WDR81: variants seen among roughly 807,000 people sequenced by gnomAD.
The protein encoded by WDR81 is WD repeat-containing protein 81.
In WDR81, 92 loss-of-function variants were observed where a neutral mutation model predicts 140.8. The observed-to-expected ratio is 0.65, with a 90% CI of 0.55 to 0.78. WDR81 has a LOEUF of 0.78. WDR81 is among the 30% of genes least tolerant of loss of function. WDR81 has a pLI of 0.00. For missense variants in WDR81, 2,502 were observed against 2,636.4 expected (o/e 0.95, Z 1.12); for synonymous variants, 1,183 against 1,156.4 (o/e 1.02, Z -0.47).
Position 1,733,779 on chromosome 17 carries a change from C to T in WDR81, c.4742C>T (p.Pro1581Leu), listed in dbSNP as rs543002084. Residue 1581 changes from proline (P) to leucine (L), a missense_variant, in exon 7 of 10, where the codon CCA becomes CTA. Pro to Leu is a moderately conservative substitution (Grantham distance 98). Transcript: ENST00000409644. ...PNDSRPENPG[P>L]LGPISGVGGG... ...GACTCTCGGCCTGAGAACCCCGGAC[C>T]ACTGGGCCCCATCTCGGGGGTGGGT... The T allele has an allele frequency of 7.4e-6, 12 of 1,612,446 alleles. No homozygotes were observed. The South Asian group carries it at 7.7e-5, about 10-fold the overall frequency.
Position 1,724,742 on chromosome 17 carries a change from G to A in WDR81, c.-218G>A. On this transcript the variant is annotated 5_prime_UTR_variant, in exon 1 of 10. Coordinates refer to ENST00000409644, the MANE Select transcript of WDR81 (RefSeq NM_001163809.2). ...CGGTGGAGCCCGGTGCTCGCGCCCGGCAGCCTCTGCCCCGCCGCGCCCGGA... is the reference window on the plus strand; with the variant it reads ...CGGTGGAGCCCGGTGCTCGCGCCCGACAGCCTCTGCCCCGCCGCGCCCGGA... The A allele has an allele frequency of 8.9e-7, 1 of 1,117,816 alleles. No individual in the cohort carries two copies. The highest frequency in any genetic ancestry group is 1.1e-6 in the Non-Finnish European group (1 of 916,010). The allele number at this position is 1,117,816 out of a possible 1,614,324, so 69.2% of individuals were successfully genotyped here.
At position 1,735,492 on chromosome 17, in the gene WDR81, G is replaced by A. The variant is rs1379826721; in HGVS notation, c.5180-80G>A. ...CTGGGGGACGGGAGGCAGGTGTGCGGTGAGTTGGGGGATTAGAAGCTCCCA... is the reference window on the plus strand; with the variant it reads ...CTGGGGGACGGGAGGCAGGTGTGCGATGAGTTGGGGGATTAGAAGCTCCCA... On this transcript the variant is annotated intron_variant, in intron 7 of 9. Transcript: ENST00000409644. The surrounding 1 kb of genome is among the most constrained non-coding windows in gnomAD (Gnocchi z 4.2). The A allele has an allele frequency of 2.2e-6, 3 of 1,387,454 alleles. No individual in the cohort carries two copies. The highest frequency in any genetic ancestry group is 2.9e-6 in the Non-Finnish European group (3 of 1,041,452). The allele number at this position is 1,387,454 out of a possible 1,614,324, so 85.9% of individuals were successfully genotyped here.
At position 1,734,059 on chromosome 17, in the gene WDR81, C is replaced by T. The variant is rs1346213770; in HGVS notation, c.5022C>T (p.Leu1674=). The T allele has an allele frequency of 6.2e-7, 1 of 1,607,880 alleles. No homozygotes were observed. Among genetic ancestry groups the T allele is most frequent in the South Asian group, 1.1e-5 (1 of 91,084 alleles). ...LSGSKDRTVR[L]WPLYNYGDGT... is the part of the protein sequence containing the mutation. Reference sequence around the variant, plus strand: ...GCAGCAAGGATCGTACCGTGCGCCTCTGGCCGCTGTACAACTACGGCGACG... The same window carrying T: ...GCAGCAAGGATCGTACCGTGCGCCTTTGGCCGCTGTACAACTACGGCGACG... The change falls in exon 7 of 10, where the codon CTC becomes CTT. Residue 1674 remains leucine (L), a synonymous_variant. Transcript: ENST00000409644.
chr17:1,736,365 G>A (rs2151177786), intron 9 of WDR81, 147 bp downstream of exon 9: 1 of 1,076,936 alleles, frequency 9.3e-7, no homozygotes, highest in Non-Finnish European at 1.3e-6. Context: ...AGGGAGGGTA[G>A]CCCTCTCGGT....
At position 1,737,879 on chromosome 17, in the gene WDR81, C is replaced by T. The variant is rs1321933044; in HGVS notation, c.*194C>T. The T allele has an allele frequency of 4.3e-6, 3 of 693,680 alleles. No homozygotes were observed. Among genetic ancestry groups the T allele is most frequent in the Non-Finnish European group, 7.1e-6 (3 of 424,140 alleles). The allele number at this position is 693,680 out of a possible 1,614,324, so 43.0% of individuals were successfully genotyped here. On this transcript the variant is annotated 3_prime_UTR_variant, in exon 10 of 10. Coordinates refer to ENST00000409644, the MANE Select transcript of WDR81 (RefSeq NM_001163809.2). Reference sequence around the variant, plus strand: ...CCCCTGAATCACCAGAGCCACCAAGCCTGCCAGAGGGGTCTCATTCATGGC... The same window carrying T: ...CCCCTGAATCACCAGAGCCACCAAGTCTGCCAGAGGGGTCTCATTCATGGC...
Position 1,728,125 on chromosome 17 carries a change from C to A in WDR81, c.3166C>A (p.Pro1056Thr). ...GGAGGAGATTCCCATGGATGGGGAGCCTCCTGCCTCCTCGGGCCTGGGGCT... is the reference window on the plus strand; with the variant it reads ...GGAGGAGATTCCCATGGATGGGGAGACTCCTGCCTCCTCGGGCCTGGGGCT... ...FGEEIPMDGE[P>T]PASSGLGLPD... is the part of the protein sequence containing the mutation. The change falls in exon 1 of 10, where the codon CCT becomes ACT. Residue 1056 changes from proline to threonine, a missense_variant. Physicochemically the swap from Pro to Thr is conservative, Grantham distance 38. Coordinates refer to ENST00000409644, the MANE Select transcript of WDR81 (RefSeq NM_001163809.2). 1 of 1,605,354 alleles carries A rather than the reference C, an allele frequency of 6.2e-7. No individual in the cohort carries two copies. Among genetic ancestry groups the A allele is most frequent in the Non-Finnish European group, 8.5e-7 (1 of 1,175,562 alleles).
At position 1,728,406 on chromosome 17, in the gene WDR81, C is replaced by A. The variant is rs143041290; in HGVS notation, c.3447C>A (p.Ser1149Arg). The change falls in exon 1 of 10, where the codon AGC becomes AGA. Residue 1149 changes from serine to arginine, a missense_variant. Transcript: ENST00000409644. ...ACAGCAGCCAGGACTTGAAGCAAAGCGAGGGCTCCGAGGAGGAAGAGGAGG... is the reference window on the plus strand; with the variant it reads ...ACAGCAGCCAGGACTTGAAGCAAAGAGAGGGCTCCGAGGAGGAAGAGGAGG... ...SGDSSQDLKQ[S>R]EGSEEEEEEE... 421 of 1,612,456 alleles carry A rather than the reference C, an allele frequency of 2.6e-4. No individual in the cohort carries two copies. Among genetic ancestry groups the A allele is most frequent in the Non-Finnish European group, 3.4e-4 (401 of 1,179,608 alleles).
chr17:1,731,341 G>A, intron 4 of WDR81, 83 bp downstream of exon 4: 2 of 1,466,870 alleles, frequency 1.4e-6, no homozygotes, highest in East Asian at 2.5e-5. Context: ...CAGGGGAGAG[G>A]ACGTAACACT....
chr17:1,731,745 T>C, intron 4 of WDR81, among the ~76,000 whole-genome samples: 1 of 149,096 alleles, frequency 6.7e-6, no homozygotes. Flanking sequence ...CCACTAAAAA[T>C]ACAAAATCTT....
Position 1,737,729 on chromosome 17 carries a change from G to A in WDR81, c.*44G>A, listed in dbSNP as rs753558489. 26 of 1,551,672 alleles carry A rather than the reference G, an allele frequency of 1.7e-5. No homozygotes were observed. The highest frequency in any genetic ancestry group is 3.7e-5 in the South Asian group (3 of 81,842). On this transcript the variant is annotated 3_prime_UTR_variant, in exon 10 of 10. Transcript: ENST00000409644. The stretch of plus-strand genomic sequence containing the variant: ...CGGGCAAGGGTGGGAAGACATCTGC[G>A]GGCGCGTGTCCACTCACCCTGTTCC...
chr17:1,724,567 G>T (rs965170734), upstream of WDR81: 39 of 989,790 alleles, frequency 3.9e-5, no homozygotes, highest in South Asian at 4.7e-5. Context: ...CCGGGAGGAA[G>T]CGGAGCCCAG....
Position 1,727,148 on chromosome 17 carries a change from C to T in WDR81, c.2189C>T (p.Ala730Val). 1.9e-6 allele frequency: 3 copies of T among 1,547,724 alleles called. No individual in the cohort carries two copies. Among genetic ancestry groups the T allele is most frequent in the Non-Finnish European group, 1.7e-6 (2 of 1,145,130 alleles). ...CCCGAGGGCTTCAATCCCATGCAGG[C>T]CCTGGAGGAGCTGGAGAAAACGGGC... ...LLPEGFNPMQ[A>V]LEELEKTGNF... The change falls in exon 1 of 10, where the codon GCC (alanine) becomes GTC (valine). Residue 730 changes from alanine (A) to valine (V), a missense_variant. Around this residue, in one of 3 missense-constraint regions of WDR81, gnomAD observed 1,737 missense variants for 1,843.0 expected, o/e 0.94. Coordinates refer to ENST00000409644, the MANE Select transcript of WDR81 (RefSeq NM_001163809.2).
rs138984491 is a variant in WDR81 at position 1,734,185 on chromosome 17, C to T, written c.5148C>T (p.Asp1716=). The T allele has an allele frequency of 8.7e-5, 139 of 1,594,830 alleles. No individual in the cohort carries two copies. Among genetic ancestry groups the T allele is most frequent in the Non-Finnish European group, 1.1e-4 (127 of 1,177,628 alleles). ...CCCCGCAGCACGTGGTGAGCTGTGA[C>T]GGGGCTGTGCACGTCTGGGACCCCT... ...LEAPQHVVSC[D]GAVHVWDPFT... is the part of the protein sequence containing the mutation. The change falls in exon 7 of 10, where the codon GAC becomes GAT. Residue 1716 remains aspartate, a synonymous_variant. Coordinates refer to ENST00000409644, the MANE Select transcript of WDR81 (RefSeq NM_001163809.2).
chr17:1,725,065 A>G lies in WDR81; in HGVS notation c.106A>G (p.Arg36Gly). The change falls in exon 1 of 10, where the codon AGG becomes GGG. Residue 36 changes from arginine (R) to glycine (G), a missense_variant. This residue lies in a region of WDR81 where 547 missense variants were observed against 513.8 expected (regional missense o/e 1.06). Transcript: ENST00000409644. Reference protein sequence around the residue: ...DMQELLRSVERDLSIDPRQLA... With the variant: ...DMQELLRSVEGDLSIDPRQLA... Reference sequence around the variant, plus strand: ...GCAGGAGCTGCTCCGGAGCGTGGAGAGGGACCTGAGCATCGATCCCAGGCA... The same window carrying G: ...GCAGGAGCTGCTCCGGAGCGTGGAGGGGGACCTGAGCATCGATCCCAGGCA... 1 of 1,485,064 alleles carries G rather than the reference A, an allele frequency of 6.7e-7. No individual in the cohort carries two copies. Among genetic ancestry groups the G allele is most frequent in the Non-Finnish European group, 9.0e-7 (1 of 1,117,120 alleles). 92.0% of individuals were successfully genotyped at this position (1,485,064 alleles called of 1,614,324 possible).
Position 1,732,661 on chromosome 17 carries a change from C to A in WDR81, c.4324-5C>A. ...CGGCTGACCCCCTGGGTGTCTTGCTCATAGGATCTGAAGCTGGACCCTGCG... is the reference window on the plus strand; with the variant it reads ...CGGCTGACCCCCTGGGTGTCTTGCTAATAGGATCTGAAGCTGGACCCTGCG... On this transcript the variant is annotated splice_polypyrimidine_tract_variant and splice_region_variant and intron_variant, in intron 5 of 9. Coordinates refer to ENST00000409644, the MANE Select transcript of WDR81 (RefSeq NM_001163809.2). The A allele has an allele frequency of 6.3e-7, 1 of 1,598,736 alleles. No individual in the cohort carries two copies. The highest frequency in any genetic ancestry group is 8.5e-7 in the Non-Finnish European group (1 of 1,171,572).
At chr17:1,720,236 A>C (rs116872176), upstream of WDR81, among the ~76,000 whole-genome samples, 181 of 152,264 alleles carry the variant, frequency 1.2e-3, 2 homozygotes, top group East Asian at 0.012. Context: ...ACCTCCCGGA[A>C]ACCCAATACT....
At chr17:1,723,086 A>T (rs922235017), upstream of WDR81, among the ~76,000 whole-genome samples, 1 of 152,224 alleles carries the variant, frequency 6.6e-6, no homozygotes, top group Admixed American at 6.5e-5. Context: ...GGGAGACAAA[A>T]GAAACAGGGC....
rs1904824635 is a variant in WDR81, at chr17:1,735,947, C to T, written c.5326-92C>T. On this transcript the variant is annotated intron_variant, in intron 8 of 9. Transcript: ENST00000409644. The surrounding 1 kb of genome is among the most constrained non-coding windows in gnomAD (Gnocchi z 4.2). ...CCTGATGAGGGTCAGAGGCTCAGGC[C>T]TTCCTGCTGTGTGGGCTTGGGTGGT... 2.7e-6 allele frequency: 4 copies of T among 1,499,008 alleles called. No homozygotes were observed. The highest frequency in any genetic ancestry group is 1.4e-5 in the African/African-American group (1 of 72,072). The allele number at this position is 1,499,008 out of a possible 1,614,324, so 92.9% of individuals were successfully genotyped here. A position where few individuals can be genotyped will look rare whatever the true frequency, so the allele number is the denominator to read the frequency against.
Position 1,727,804 on chromosome 17 carries a change from G to C in WDR81, c.2845G>C (p.Val949Leu), listed in dbSNP as rs1915392423. The C allele has an allele frequency of 1.3e-6, 2 of 1,550,582 alleles. No individual in the cohort carries two copies. Among genetic ancestry groups the C allele is most frequent in the Admixed American group, 3.9e-5 (2 of 50,996 alleles). The change falls in exon 1 of 10, where the codon GTT becomes CTT. Residue 949 changes from valine (V) to leucine (L), a missense_variant. Physicochemically the swap from Val to Leu is conservative, Grantham distance 32. This residue lies in a region of WDR81 where 1,737 missense variants were observed against 1,843.0 expected (regional missense o/e 0.94). Transcript: ENST00000409644. ...VYTAWYLFEP[V>L]AKALGPKNAN... is the part of the protein sequence containing the mutation. Reference sequence around the variant, plus strand: ...CACGGCCTGGTATCTGTTTGAGCCTGTTGCCAAGGCACTGGGCCCCAAAAA... The same window carrying C: ...CACGGCCTGGTATCTGTTTGAGCCTCTTGCCAAGGCACTGGGCCCCAAAAA...
Sources: gnomAD v4.1 joint callset for allele counts (sites outside exome capture counted in the v4.1 genomes callset) on GRCh38, gnomAD v4.1.1 for gene constraint, gnomAD v4.1.1 regional missense constraint, Gnocchi (gnomAD v3.1) non-coding constraint, MANE v1.5 for transcripts, NCBI Gene and HGNC (gene_info 2026-07-23, HGNC 2026-07-21) for gene names.